The following GPHN variants were observed in gnomAD, a reference collection of about 807,000 sequenced individuals.
GPHN encodes gephyrin.
GPHN carries 17 observed loss-of-function variants against 95.5 expected under a neutral mutation model. The ratio of observed to expected loss-of-function variants is 0.18; its 90% CI spans 0.12 to 0.27. The LOEUF is 0.27. GPHN is among the 10% of genes least tolerant of loss of function. The pLI is 1.00. For synonymous variants in GPHN, 320 were observed against 322.5 expected (o/e 0.99, Z 0.08); for missense variants, 660 against 978.1 (o/e 0.67, Z 4.34).
chr14:67,582,403 G>A, the GPHN span: 1 of 904,786 alleles, frequency 1.1e-6, no homozygotes, highest in Non-Finnish European at 1.7e-6. The surrounding 1 kb of genome is among the most constrained non-coding windows in gnomAD (Gnocchi z 5.0). Context: ...TAGGATGCGT[G>A]CAGATGGCTG....
At chr14:66,677,688 T>C (rs1171506808) in intron 1 of GPHN, among the ~76,000 whole-genome samples, 2 of 128,124 alleles carry the variant, frequency 1.6e-5, no homozygotes, top group South Asian at 2.4e-4. Context: ...AGGCCAGTCT[T>C]GTGGCCTAAC....
At chr14:67,359,789 G>T in the GPHN span, 1 of 1,454,202 alleles carries the variant, frequency 6.9e-7, no homozygotes. Context: ...TTCCTCTACG[G>T]GAGTCAGCTG....
the GPHN span, among the ~76,000 whole-genome samples, chr14:67,193,924 G>T: frequency 7.9e-6 from 1 of 126,570 alleles, no homozygotes; most frequent in Non-Finnish European, 1.5e-5. Context: ...CAGCCTGTGT[G>T]ACAGAGCAAG....
the GPHN span, among the ~76,000 whole-genome samples, chr14:67,497,272 A>T: frequency 5.6e-4 from 85 of 152,122 alleles, 1 homozygote; most frequent in African/African-American, 1.8e-3. Context: ...GGCCAGATGC[A>T]TGTGTCATGG....
At chr14:66,591,268 C>A (rs1383389463) in intron 1 of GPHN, among the ~76,000 whole-genome samples, 1 of 152,186 alleles carries the variant, frequency 6.6e-6, no homozygotes, top group African/African-American at 2.4e-5. Context: ...CCCTCTCTCA[C>A]CACTCCTATT....
intron 21 of GPHN, among the ~76,000 whole-genome samples, chr14:67,169,639 T>C (rs1379142672): frequency 6.6e-6 from 1 of 152,240 alleles, no homozygotes; most frequent in African/African-American, 2.4e-5. Flanking sequence ...CTAATTATGT[T>C]ATACACTTTC....
the GPHN span, among the ~76,000 whole-genome samples, chr14:67,559,842 AC>A: frequency 6.6e-6 from 1 of 152,082 alleles, no homozygotes; most frequent in Admixed American, 6.6e-5. Flanking sequence ...ATGCTGAGAC[AC>A]CGTAGTTCAC....
the GPHN span, among the ~76,000 whole-genome samples, chr14:67,215,954 T>G: frequency 6.6e-6 from 1 of 152,298 alleles, no homozygotes; most frequent in East Asian, 1.9e-4. Flanking sequence ...AGATTCGCTT[T>G]TAATGCCTTT....
the GPHN span, among the ~76,000 whole-genome samples, chr14:67,276,002 C>A: frequency 6.6e-6 from 1 of 151,818 alleles, no homozygotes; most frequent in Non-Finnish European, 1.5e-5. Context: ...GTATTTGATT[C>A]TTCTCTCTTT....
chr14:67,395,463 T>C, the GPHN span: 1 of 1,613,894 alleles, frequency 6.2e-7, no homozygotes, highest in Non-Finnish European at 8.5e-7. Flanking sequence ...TGCTGGACCT[T>C]CCCCGGCTGC....
intron 4 of GPHN, among the ~76,000 whole-genome samples, chr14:66,858,910 C>G (rs1304273551): frequency 6.6e-6 from 1 of 152,126 alleles, no homozygotes; most frequent in Admixed American, 6.5e-5. Context: ...TAAGGTGAGG[C>G]TCCTCTGCCT....
chr14:67,097,241 G>A (rs1379537279), intron 12 of GPHN, among the ~76,000 whole-genome samples: 1 of 152,156 alleles, frequency 6.6e-6, no homozygotes, highest in Non-Finnish European at 1.5e-5. Context: ...ACTTCACAGA[G>A]AAGATGACAC....
chr14:67,500,436 T>C, the GPHN span, among the ~76,000 whole-genome samples: 1 of 151,906 alleles, frequency 6.6e-6, no homozygotes, highest in African/African-American at 2.4e-5. Flanking sequence ...GCTCTCACCA[T>C]TGCACTCCAA....
the GPHN span, among the ~76,000 whole-genome samples, chr14:67,625,793 C>A: frequency 1.4e-5 from 2 of 145,452 alleles, no homozygotes; most frequent in Admixed American, 1.4e-4. Context: ...AAAATATTTG[C>A]AAATCATATA....
intron 9 of GPHN, among the ~76,000 whole-genome samples, chr14:66,998,669 A>G (rs1052376255): frequency 1.3e-5 from 2 of 151,886 alleles, no homozygotes; most frequent in Non-Finnish European, 2.9e-5. Context: ...TACCTTCACT[A>G]TTGTAGAAAT....
chr14:67,400,212 AAC>A, the GPHN span, among the ~76,000 whole-genome samples: 300 of 152,344 alleles, frequency 2.0e-3, no homozygotes, highest in African/African-American at 6.1e-3. Flanking sequence ...ACAACTAAAG[AAC>A]ACTTATAACA....
intron 12 of GPHN, among the ~76,000 whole-genome samples, chr14:67,090,945 C>A (rs1277741726): frequency 2.0e-5 from 3 of 151,450 alleles, no homozygotes; most frequent in African/African-American, 7.3e-5. Flanking sequence ...TTGTAGAAAG[C>A]CTTAGTAAAC....
the GPHN span, among the ~76,000 whole-genome samples, chr14:67,324,897 ATTTTTTT>A: frequency 6.5e-5 from 5 of 76,336 alleles, no homozygotes; most frequent in African/African-American, 2.3e-4. Flanking sequence ...CCTTCCTTTC[ATTTTTTT>A]TTTTTTTTTT....
intron 2 of GPHN, among the ~76,000 whole-genome samples, chr14:66,761,920 A>G (rs539040459): frequency 1.3e-5 from 2 of 152,258 alleles, no homozygotes; most frequent in South Asian, 4.1e-4. Context: ...TCGGCCTTCC[A>G]GAGTACTGGG....
Sources: gnomAD v4.1 joint callset for allele counts (sites outside exome capture counted in the v4.1 genomes callset) on GRCh38, gnomAD v4.1.1 for gene constraint, Gnocchi (gnomAD v3.1) non-coding constraint, MANE v1.5 for transcripts, NCBI Gene and HGNC (gene_info 2026-07-23, HGNC 2026-07-21) for gene names.